The following CRK variants were observed in gnomAD, a reference collection of about 807,000 sequenced individuals.
The protein encoded by CRK is CRK proto-oncogene, adaptor protein.
Under a neutral mutation model 29.8 loss-of-function variants are expected in CRK, and 4 were observed. The observed-to-expected ratio is 0.13, with a 90% CI of 0.07 to 0.31. The LOEUF (loss-of-function observed/expected upper bound fraction) is 0.31, where lower values mean the gene tolerates loss of function less well. Ranked by LOEUF, CRK falls within the 10% of genes least tolerant of loss-of-function variation. The pLI is 1.00. For synonymous variants in CRK, 153 were observed against 164.9 expected, an observed-to-expected ratio of 0.93 and a Z score of 0.55; for missense variants, 274 against 396.5, an observed-to-expected ratio of 0.69 and a Z score of 2.62.
At chr17:1,433,923 C>T (rs1322968039) in intron 2 of CRK, among the ~76,000 whole-genome samples, 1 of 148,134 alleles carries the variant, frequency 6.8e-6, no homozygotes, top group Non-Finnish European at 1.5e-5. Context: ...TGGTTTCAAA[C>T]ACCTGGACTC....
intron 2 of CRK, among the ~76,000 whole-genome samples, chr17:1,425,192 C>A (rs2073766610): frequency 6.6e-6 from 1 of 151,704 alleles, no homozygotes; most frequent in Admixed American, 6.6e-5. Flanking sequence ...CGGGTTCACG[C>A]CATTCTCCTG....
chr17:1,430,729 C>A (rs1442975819), intron 2 of CRK, among the ~76,000 whole-genome samples: 1 of 151,616 alleles, frequency 6.6e-6, no homozygotes, highest in African/African-American at 2.4e-5. Flanking sequence ...TTAACCTGAC[C>A]AACGTGGCTT....
At chr17:1,447,607 CTTTTT>C (rs34998406) in intron 1 of CRK, among the ~76,000 whole-genome samples, 4 of 117,842 alleles carry the variant, frequency 3.4e-5, no homozygotes, top group Admixed American at 9.5e-5. Context: ...TTCTCTTTTC[CTTTTT>C]TTTTTTTTTT....
intron 2 of CRK, among the ~76,000 whole-genome samples, chr17:1,430,523 A>G (rs1288445598): frequency 9.6e-5 from 14 of 146,566 alleles, no homozygotes; most frequent in Admixed American, 6.8e-4. Context: ...CGTCCGGCTA[A>G]TTTTTTGTAT....
chr17:1,443,113 A>G (rs9747682), intron 1 of CRK, among the ~76,000 whole-genome samples: 114,185 of 151,380 alleles, frequency 0.75, 43,706 homozygotes, highest in African/African-American at 0.89. Flanking sequence ...CAAGTAACTG[A>G]GATTACAGGC....
At chr17:1,438,165 T>G (rs1331411049) in intron 1 of CRK, among the ~76,000 whole-genome samples, 3 of 152,172 alleles carry the variant, frequency 2.0e-5, no homozygotes, top group African/African-American at 7.2e-5. Context: ...AGTCTCGCTG[T>G]GTCGCTCAAG....
chr17:1,424,188 T>C (rs2150897487), intron 2 of CRK, among the ~76,000 whole-genome samples: 1 of 147,568 alleles, frequency 6.8e-6, no homozygotes, highest in African/African-American at 2.5e-5. Flanking sequence ...TGCCACAGCC[T>C]CCCGAGTAGC....
Position 1,455,891 on chromosome 17 carries a change from GC to G in CRK, c.226del (p.Ala76ProfsTer7). Reference protein sequence around the residue: ...GPRPPVPPSPAQPPPGVSPSR... With the variant: ...GPRPPVPPSPXQPPPGVSPSR... The stretch of plus-strand genomic sequence containing the variant: ...CAGTCCCTCACCGGGCGGAGGCTGG[GC>G]GGGCGACGGTGGCACCGGCGGGCGC... On this transcript the variant is annotated frameshift_variant, in exon 1 of 3. Transcript: ENST00000300574. LOFTEE classifies it high-confidence loss of function. 1 of 1,588,072 alleles carries G rather than the reference GC, an allele frequency of 6.3e-7. No individual in the cohort carries two copies. Among genetic ancestry groups the G allele is most frequent in the South Asian group, 1.1e-5 (1 of 88,534 alleles).
chr17:1,428,432 A>C (rs917592380), intron 2 of CRK, among the ~76,000 whole-genome samples: 6 of 150,298 alleles, frequency 4.0e-5, no homozygotes, highest in Non-Finnish European at 8.9e-5. Context: ...TCAGACTTCT[A>C]AGGGATAAAT....
chr17:1,440,924 G>A (rs896109969), intron 1 of CRK, among the ~76,000 whole-genome samples: 6 of 152,144 alleles, frequency 3.9e-5, no homozygotes, highest in African/African-American at 1.4e-4. Context: ...AAATCCAAAT[G>A]AGTTTTGTGA....
At chr17:1,455,427 G>A (rs1033997724) in intron 1 of CRK, among the ~76,000 whole-genome samples, 1 of 152,218 alleles carries the variant, frequency 6.6e-6, no homozygotes, top group African/African-American at 2.4e-5. Context: ...CACCAGGGGA[G>A]CACGGCCAAA....
Position 1,437,109 on chromosome 17 carries a change from T to G in CRK, c.288A>C (p.Ser96=), listed in dbSNP as rs761736955. ...TGTAGAATTCCAGTAAAGCAGGCAA[T>G]GAATCAAACTCTTGATCTCCTATTC... The part of the protein sequence containing the change: ...RLRIGDQEFD[S]LPALLEFYKI... The change falls in exon 2 of 3, where the codon TCA becomes TCC. Residue 96 remains serine (S), a synonymous_variant. Transcript: ENST00000300574. 27 of 1,613,856 alleles carry G rather than the reference T, an allele frequency of 1.7e-5. No individual in the cohort carries two copies. The highest frequency in any genetic ancestry group is 2.2e-5 in the Non-Finnish European group (26 of 1,179,916).
chr17:1,440,881 G>A (rs1384320763), intron 1 of CRK, among the ~76,000 whole-genome samples: 1 of 152,192 alleles, frequency 6.6e-6, no homozygotes, highest in Non-Finnish European at 1.5e-5. Context: ...TCCAGCCTGG[G>A]CAAAAGAGAG....
intron 1 of CRK, among the ~76,000 whole-genome samples, chr17:1,449,345 A>G (rs1211286432): frequency 6.6e-6 from 1 of 152,112 alleles, no homozygotes; most frequent in African/African-American, 2.4e-5. Context: ...AGCCTCTCAA[A>G]GATAAGAAGT....
rs1224024380 is a variant in CRK at position 1,456,157 on chromosome 17, G to A, written c.-40C>T. 1.1e-5 allele frequency: 16 copies of A among 1,440,318 alleles called. No individual in the cohort carries two copies. Among genetic ancestry groups the A allele is most frequent in the Non-Finnish European group, 1.5e-5 (16 of 1,096,788 alleles). The allele number at this position is 1,440,318 out of a possible 1,614,324, so 89.2% of individuals were successfully genotyped here. A position where few individuals can be genotyped will look rare whatever the true frequency, so the allele number is the denominator to read the frequency against. The stretch of plus-strand genomic sequence containing the variant: ...CTAAACGCTGGGGTGCCGCCGCCGC[G>A]CGCGCCCCTCCGGCCCCCGGCGCCC... On this transcript the variant is annotated 5_prime_UTR_variant, in exon 1 of 3. Transcript: ENST00000300574.
chr17:1,447,853 G>C (rs547719233), intron 1 of CRK, among the ~76,000 whole-genome samples: 1 of 151,862 alleles, frequency 6.6e-6, no homozygotes. Context: ...CTGACCTCAA[G>C]TGATCAGCCA....
chr17:1,440,491 A>G (rs750739155), intron 1 of CRK, among the ~76,000 whole-genome samples: 2 of 151,472 alleles, frequency 1.3e-5, no homozygotes, highest in African/African-American at 2.4e-5. Context: ...AATGTTTGAA[A>G]AAAAATGACT....
intron 1 of CRK, among the ~76,000 whole-genome samples, chr17:1,442,701 G>C (rs2073944706): frequency 7.0e-6 from 1 of 142,406 alleles, no homozygotes; most frequent in Admixed American, 7.7e-5. Context: ...TCCACCCTCT[G>C]TGTTCAAGCA....
intron 2 of CRK, among the ~76,000 whole-genome samples, chr17:1,429,627 TA>T (rs35227536): frequency 0.71 from 104,842 of 146,634 alleles, 37,212 homozygotes; most frequent in African/African-American, 0.76. Flanking sequence ...CTGTCTCTCT[TA>T]AAAAAAAAAA....
Sources: gnomAD v4.1 joint callset for allele counts (sites outside exome capture counted in the v4.1 genomes callset) on GRCh38, gnomAD v4.1.1 for gene constraint, MANE v1.5 for transcripts, NCBI Gene and HGNC (gene_info 2026-07-23, HGNC 2026-07-21) for gene names.